MAP3K20: variants seen among roughly 807,000 people sequenced by gnomAD.
The protein encoded by MAP3K20 is HCCS-4.
A neutral mutation model predicts 85.7 loss-of-function variants in MAP3K20; 40 were observed. The observed-to-expected ratio is 0.47, with a 90% CI of 0.36 to 0.61. MAP3K20 has a LOEUF of 0.61. MAP3K20 is among the 20% of genes least tolerant of loss of function. The pLI is 0.00. For synonymous variants in MAP3K20, 325 were observed against 327.7 expected (o/e 0.99, Z 0.09); for missense variants, 817 against 961.7 (o/e 0.85, Z 1.99).
intron 2 of MAP3K20, among the ~76,000 whole-genome samples, chr2:173,168,464 T>C (rs1165786257): frequency 1.3e-5 from 2 of 152,192 alleles, no homozygotes; most frequent in Non-Finnish European, 1.5e-5. Flanking sequence ...TTACACCACC[T>C]TCAAAACCAG....
At chr2:173,196,678 CTA>C (rs1690851508) in intron 7 of MAP3K20, among the ~76,000 whole-genome samples, 1 of 152,196 alleles carries the variant, frequency 6.6e-6, no homozygotes, top group Non-Finnish European at 1.5e-5. Flanking sequence ...TGAAAGGTTT[CTA>C]TGATTTGCTT....
chr2:173,146,664 G>A (rs575094545), intron 2 of MAP3K20, among the ~76,000 whole-genome samples: 7 of 152,146 alleles, frequency 4.6e-5, no homozygotes, highest in Non-Finnish European at 1.0e-4. Context: ...AAAACCATGT[G>A]GTCTTTGTAT....
intron 11 of MAP3K20, chr2:173,224,755 A>G: frequency 2.1e-5 from 21 of 985,408 alleles, no homozygotes; most frequent in Non-Finnish European, 2.5e-5. Context: ...TAAAATCTAA[A>G]TCATATAATC....
intron 2 of MAP3K20, among the ~76,000 whole-genome samples, chr2:173,106,050 A>G (rs926465437): frequency 5.3e-5 from 8 of 152,234 alleles, no homozygotes; most frequent in South Asian, 2.1e-4. Flanking sequence ...TAGTGAATAC[A>G]TTTAAAAAAG....
chr2:173,081,189 AT>A (rs55900314), intron 1 of MAP3K20, among the ~76,000 whole-genome samples: 39,506 of 140,854 alleles, frequency 0.28, 6,239 homozygotes, highest in Non-Finnish European at 0.38. Flanking sequence ...AAAAAGACAA[AT>A]TTTTTTTTTT....
intron 7 of MAP3K20, among the ~76,000 whole-genome samples, chr2:173,193,896 C>T (rs1690740091): frequency 2.0e-5 from 3 of 152,158 alleles, no homozygotes; most frequent in Admixed American, 1.3e-4. Context: ...CTTAACAAAC[C>T]ATCCTATGGA....
chr2:173,098,821 C>T (rs1352479693), intron 2 of MAP3K20, among the ~76,000 whole-genome samples: 1 of 152,172 alleles, frequency 6.6e-6, no homozygotes, highest in African/African-American at 2.4e-5. Flanking sequence ...GTGGTTCTCT[C>T]AAAGTGTGGT....
intron 12 of MAP3K20, 64 bp downstream of exon 12, chr2:173,229,797 T>C (rs1684480213): frequency 1.3e-6 from 2 of 1,557,532 alleles, no homozygotes; most frequent in Admixed American, 3.3e-5. Flanking sequence ...TTTCCCTAAG[T>C]TTTTAGGGGA....
intron 2 of MAP3K20, among the ~76,000 whole-genome samples, chr2:173,134,928 C>T (rs925947211): frequency 2.6e-5 from 4 of 152,126 alleles, no homozygotes; most frequent in Admixed American, 6.5e-5. Context: ...CTAGCTCAGC[C>T]ACGTGACTAG....
intron 2 of MAP3K20, among the ~76,000 whole-genome samples, chr2:173,154,586 G>A (rs1689401010): frequency 6.6e-6 from 1 of 152,170 alleles, no homozygotes; most frequent in African/African-American, 2.4e-5. Context: ...TGGTTGTTAT[G>A]TGGCATCTTG....
intron 2 of MAP3K20, among the ~76,000 whole-genome samples, chr2:173,165,963 C>T (rs1189460629): frequency 1.3e-5 from 2 of 152,108 alleles, no homozygotes; most frequent in Admixed American, 6.5e-5. Flanking sequence ...GGCATGAGTC[C>T]CCGTGCCTGG....
At chr2:173,223,331 G>T in intron 11 of MAP3K20, 1 of 899,238 alleles carries the variant, frequency 1.1e-6, no homozygotes, top group Non-Finnish European at 1.3e-6. Flanking sequence ...CTGATCTTCA[G>T]CGTGGGAATA....
intron 4 of MAP3K20, among the ~76,000 whole-genome samples, chr2:173,183,590 T>C (rs1251680652): frequency 2.6e-5 from 4 of 152,094 alleles, no homozygotes; most frequent in Non-Finnish European, 5.9e-5. Flanking sequence ...ACTTCATTTA[T>C]TTTTATCTTT....
chr2:173,224,318 T>C (rs1006063998), intron 11 of MAP3K20: 1 of 985,276 alleles, frequency 1.0e-6, no homozygotes, highest in African/African-American at 1.7e-5. Flanking sequence ...GAGTCTCATT[T>C]AAGAATGATC....
chr2:173,197,253 G>A (rs527972723), intron 7 of MAP3K20, among the ~76,000 whole-genome samples: 5 of 152,232 alleles, frequency 3.3e-5, no homozygotes, highest in African/African-American at 1.2e-4. Context: ...CCCAAAATCA[G>A]CAGTATTCCT....
At chr2:173,120,929 G>A (rs368079104) in intron 2 of MAP3K20, among the ~76,000 whole-genome samples, 3 of 151,386 alleles carry the variant, frequency 2.0e-5, no homozygotes, top group East Asian at 2.0e-4. Context: ...GGATGGTCTC[G>A]ATCTCCTGAC....
intron 2 of MAP3K20, among the ~76,000 whole-genome samples, chr2:173,106,879 T>TAG (rs1342289182): frequency 6.6e-6 from 1 of 152,040 alleles, no homozygotes; most frequent in East Asian, 1.9e-4. Context: ...TTTTAGATTG[T>TAG]AGAGAGGTGC....
At chr2:173,085,203 C>T (rs1022223789) in intron 1 of MAP3K20, among the ~76,000 whole-genome samples, 1 of 152,066 alleles carries the variant, frequency 6.6e-6, no homozygotes, top group Non-Finnish European at 1.5e-5. Flanking sequence ...TGCTTTTTAA[C>T]ATTAGAACTG....
intron 16 of MAP3K20, among the ~76,000 whole-genome samples, chr2:173,255,547 A>G (rs1042894064): frequency 6.6e-6 from 1 of 152,216 alleles, no homozygotes; most frequent in Non-Finnish European, 1.5e-5. Flanking sequence ...AGTGCCCAGC[A>G]ACATGCCTAG....
Sources: gnomAD v4.1 joint callset for allele counts (sites outside exome capture counted in the v4.1 genomes callset) on GRCh38, gnomAD v4.1.1 for gene constraint, MANE v1.5 for transcripts, NCBI Gene and HGNC (gene_info 2026-07-23, HGNC 2026-07-21) for gene names.